The following PCDH15 variants were observed in gnomAD, a reference collection of about 807,000 sequenced individuals.
PCDH15 encodes the protein protocadherin-15.
A neutral mutation model predicts 178.5 loss-of-function variants in PCDH15; 129 were observed. That is an observed-to-expected ratio of 0.72 (90% CI 0.63 to 0.84). PCDH15 has a LOEUF of 0.84. PCDH15 is among the 40% of genes least tolerant of loss of function. The pLI is 0.00. For synonymous variants in PCDH15, 800 were observed against 732.0 expected, an observed-to-expected ratio of 1.09 and a Z score of -1.50; for missense variants, 2,230 against 2,099.9, an observed-to-expected ratio of 1.06 and a Z score of -1.21.
chr10:54,322,646 C>T (rs2061684489), intron 7 of PCDH15, among the ~76,000 whole-genome samples: 1 of 140,088 alleles, frequency 7.1e-6, no homozygotes, highest in Admixed American at 7.1e-5. Context: ...AAGAAACTTA[C>T]CAACCAAAAA....
intron 2 of PCDH15, among the ~76,000 whole-genome samples, chr10:54,594,692 G>A (rs2092107436): frequency 6.6e-6 from 1 of 152,180 alleles, no homozygotes; most frequent in Non-Finnish European, 1.5e-5. Flanking sequence ...GACAGACCTA[G>A]CCTTTCCTTC....
chr10:54,674,190 C>T (rs1334719207), intron 1 of PCDH15, among the ~76,000 whole-genome samples: 1 of 152,158 alleles, frequency 6.6e-6, no homozygotes, highest in Non-Finnish European at 1.5e-5. Flanking sequence ...TGAACTGCAA[C>T]TGTTTCATTT....
chr10:54,548,123 C>A (rs1184039176), intron 2 of PCDH15, among the ~76,000 whole-genome samples: 15 of 142,814 alleles, frequency 1.1e-4, no homozygotes, highest in South Asian at 2.2e-4. Flanking sequence ...CCAAAAAAAC[C>A]AAAAAAAACC....
chr10:53,892,412 C>T (rs143384420), intron 26 of PCDH15, among the ~76,000 whole-genome samples: 138 of 151,964 alleles, frequency 9.1e-4, no homozygotes, highest in Non-Finnish European at 1.4e-3. Context: ...ATAAGTAATA[C>T]GAATTAAAGC....
At chr10:53,857,398 A>G (rs1269103131) in intron 27 of PCDH15, 135 bp from the exon 28 acceptor site, 3 of 636,680 alleles carry the variant, frequency 4.7e-6, no homozygotes, top group South Asian at 2.0e-5. Flanking sequence ...GAACAAATAT[A>G]TATACATTTT....
chr10:55,409,646 G>T (rs1006533396), intron 2 of PCDH15, among the ~76,000 whole-genome samples: 5 of 152,074 alleles, frequency 3.3e-5, no homozygotes, highest in Non-Finnish European at 7.4e-5. Context: ...ACCATAAGTA[G>T]ATGGTTAAAA....
chr10:55,059,929 A>T (rs149295908), intron 2 of PCDH15, among the ~76,000 whole-genome samples: 2 of 152,130 alleles, frequency 1.3e-5, no homozygotes, highest in Admixed American at 6.5e-5. Context: ...CATAAAACTG[A>T]GGCTAAATAT....
chr10:53,807,233 C>G (rs774523364), intron 37 of PCDH15, 103 bp from the exon 38 acceptor site: 182 of 968,612 alleles, frequency 1.9e-4, no homozygotes, highest in Non-Finnish European at 2.5e-4. Flanking sequence ...AGAAAGCTGT[C>G]AAAGGTAAAT....
At chr10:55,063,652 G>A (rs1179689431) in intron 2 of PCDH15, among the ~76,000 whole-genome samples, 2 of 151,942 alleles carry the variant, frequency 1.3e-5, no homozygotes, top group Non-Finnish European at 2.9e-5. Flanking sequence ...TTAATTGGCA[G>A]GTTTACTGAA....
At chr10:55,270,632 T>TA (rs869073342) in intron 1 of PCDH15, among the ~76,000 whole-genome samples, 4 of 148,364 alleles carry the variant, frequency 2.7e-5, no homozygotes, top group Non-Finnish European at 4.4e-5. Flanking sequence ...GTTAAAAAAA[T>TA]AAAAAAACAA....
intron 1 of PCDH15, among the ~76,000 whole-genome samples, chr10:55,246,299 A>G (rs545535956): frequency 1.3e-5 from 2 of 152,314 alleles, no homozygotes; most frequent in Admixed American, 6.5e-5. Flanking sequence ...ATGATATCCA[A>G]TCAGATATAC....
intron 2 of PCDH15, among the ~76,000 whole-genome samples, chr10:54,574,324 T>C (rs2090209712): frequency 6.7e-6 from 1 of 150,114 alleles, no homozygotes; most frequent in African/African-American, 2.4e-5. Context: ...TTGTCAAAGA[T>C]CAGATAGTTG....
At chr10:54,877,743 T>C (rs1265721600) in intron 3 of PCDH15, among the ~76,000 whole-genome samples, 2 of 152,152 alleles carry the variant, frequency 1.3e-5, no homozygotes, top group Non-Finnish European at 2.9e-5. Context: ...AAACAGTTTA[T>C]ATAGTTTATA....
At chr10:54,325,013 C>CTTTCATATCTCTAATTTTT (rs71007833) in intron 7 of PCDH15, among the ~76,000 whole-genome samples, 105,547 of 151,282 alleles carry the variant, frequency 0.7, 37,526 homozygotes, top group Middle Eastern at 0.81. Flanking sequence ...CCCATTTGAT[C>CTTTCATATCTCTAATTTTT]TTTCTAGATC....
intron 1 of PCDH15, among the ~76,000 whole-genome samples, chr10:54,683,339 C>T (rs1565933648): frequency 6.6e-6 from 1 of 151,928 alleles, no homozygotes; most frequent in East Asian, 1.9e-4. Flanking sequence ...AATAGGTGCT[C>T]CCCATTAAGC....
intron 2 of PCDH15, among the ~76,000 whole-genome samples, chr10:55,513,820 GA>G (rs763162215): frequency 1.3e-5 from 2 of 151,960 alleles, no homozygotes; most frequent in East Asian, 1.9e-4. Flanking sequence ...CTATTTTTGA[GA>G]ATACTTTATG....
intron 6 of PCDH15, among the ~76,000 whole-genome samples, chr10:54,340,263 ATTG>A (rs1941981498): frequency 6.6e-6 from 1 of 151,908 alleles, no homozygotes; most frequent in Non-Finnish European, 1.5e-5. Context: ...GTCTCTTTTT[ATTG>A]TTGTCATTGG....
At chr10:54,659,521 G>A (rs551766351) in intron 2 of PCDH15, among the ~76,000 whole-genome samples, 1 of 152,180 alleles carries the variant, frequency 6.6e-6, no homozygotes, top group East Asian at 1.9e-4. Context: ...GGGAGGCTGA[G>A]GTGGGTGGAT....
At chr10:54,662,183 T>C (rs1267291523) in intron 2 of PCDH15, among the ~76,000 whole-genome samples, 1 of 151,646 alleles carries the variant, frequency 6.6e-6, no homozygotes, top group Non-Finnish European at 1.5e-5. Flanking sequence ...CCGAAATCTA[T>C]AAGAAAAACA....
Sources: gnomAD v4.1 joint callset for allele counts (sites outside exome capture counted in the v4.1 genomes callset) on GRCh38, gnomAD v4.1.1 for gene constraint, MANE v1.5 for transcripts, NCBI Gene and HGNC (gene_info 2026-07-23, HGNC 2026-07-21) for gene names.